NAV1: variants seen among roughly 807,000 people sequenced by gnomAD.
NAV1 encodes the protein pore membrane and/or filament interacting like protein 3.
Under a neutral mutation model 175.2 loss-of-function variants are expected in NAV1, and 18 were observed. That is an observed-to-expected ratio of 0.10 (90% CI 0.07 to 0.15). NAV1 has a LOEUF of 0.15. Among genes scored for constraint, NAV1 ranks in the 10% least tolerant of loss-of-function variants. The pLI is 1.00. For missense variants in NAV1, 1,731 were observed against 2,436.6 expected (o/e 0.71, Z 6.10); for synonymous variants, 897 against 978.7 (o/e 0.92, Z 1.56).
At chr1:201,778,924 G>A (rs971182283) in intron 3 of NAV1, among the ~76,000 whole-genome samples, 3 of 152,210 alleles carry the variant, frequency 2.0e-5, no homozygotes, top group African/African-American at 7.2e-5. Flanking sequence ...TTTAGTCCTT[G>A]CATATATGCA....
At chr1:201,780,506 C>G in exon 4 of NAV1, 1 of 1,614,232 alleles carries the variant, frequency 6.2e-7, no homozygotes, top group Non-Finnish European at 8.5e-7. Context: ...CAGCTCCTCA[C>G]TCAACTCCCT....
intron 1 of NAV1, among the ~76,000 whole-genome samples, chr1:201,578,276 C>T (rs1036642862): frequency 1.3e-5 from 2 of 150,984 alleles, no homozygotes; most frequent in African/African-American, 4.9e-5. Context: ...CTGTTGATCC[C>T]ATCCACTGAG....
At position 201,811,589 on chromosome 1, in the gene NAV1, T is replaced by G. The variant is rs1212231824; in HGVS notation, c.4798-14T>G. ...TATTCCCAAGTGCTGACCCACAGCCTTCTTTTATTCCAGGATCTGCAACTG... is the reference window on the plus strand; with the variant it reads ...TATTCCCAAGTGCTGACCCACAGCCGTCTTTTATTCCAGGATCTGCAACTG... On this transcript the variant is annotated splice_polypyrimidine_tract_variant and intron_variant, in intron 24 of 29. Transcript: ENST00000367296. The G allele has an allele frequency of 6.2e-7, 1 of 1,614,116 alleles. No individual in the cohort carries two copies. The highest frequency in any genetic ancestry group is 1.7e-5 in the Admixed American group (1 of 60,002).
At chr1:201,574,864 C>A (rs566070364) in intron 1 of NAV1, among the ~76,000 whole-genome samples, 5 of 152,312 alleles carry the variant, frequency 3.3e-5, no homozygotes, top group Non-Finnish European at 7.3e-5. Flanking sequence ...TTGTTGCCCC[C>A]GCCACACATT....
intron 1 of NAV1, among the ~76,000 whole-genome samples, chr1:201,652,116 T>C (rs1274996749): frequency 6.6e-6 from 1 of 151,824 alleles, no homozygotes; most frequent in East Asian, 1.9e-4. Flanking sequence ...AGAAGAATGG[T>C]GACTTGATGT....
chr1:201,628,807 C>A (rs754224965), intron 1 of NAV1, among the ~76,000 whole-genome samples: 43 of 152,166 alleles, frequency 2.8e-4, no homozygotes, highest in Non-Finnish European at 5.9e-4. Context: ...TGCCCAGAGA[C>A]CTCACCCTTC....
intron 3 of NAV1, among the ~76,000 whole-genome samples, chr1:201,768,683 G>A (rs1018958328): frequency 1.3e-5 from 2 of 149,064 alleles, no homozygotes; most frequent in Non-Finnish European, 3.0e-5. Context: ...CACAACCACA[G>A]TTTTGTAGCA....
chr1:201,785,566 CA>C (rs1473707063), intron 8 of NAV1, among the ~76,000 whole-genome samples: 1 of 151,960 alleles, frequency 6.6e-6, no homozygotes, highest in Non-Finnish European at 1.5e-5. Flanking sequence ...TTTTTGGTGA[CA>C]GGGGAGAAAC....
At chr1:201,734,779 A>T (rs1558109474) in intron 3 of NAV1, among the ~76,000 whole-genome samples, 2 of 151,896 alleles carry the variant, frequency 1.3e-5, no homozygotes, top group Admixed American at 6.6e-5. Context: ...CTTACTGGAG[A>T]GACAGCCCCT....
chr1:201,570,011 G>T (rs1362515195), intron 1 of NAV1, among the ~76,000 whole-genome samples: 1 of 152,174 alleles, frequency 6.6e-6, no homozygotes, highest in Non-Finnish European at 1.5e-5. Context: ...GACGGATGTG[G>T]AAATATTTTA....
chr1:201,777,866 C>T (rs962129535), intron 3 of NAV1, among the ~76,000 whole-genome samples: 1 of 151,756 alleles, frequency 6.6e-6, no homozygotes, highest in Non-Finnish European at 1.5e-5. Context: ...ACCTGGGAGG[C>T]GAAGGCTGCA....
At chr1:201,660,625 AAC>A (rs1669571742) in intron 1 of NAV1, among the ~76,000 whole-genome samples, 1 of 152,234 alleles carries the variant, frequency 6.6e-6, no homozygotes, top group African/African-American at 2.4e-5. Context: ...GGGACCATTT[AAC>A]ACTCACAGAC....
Position 201,787,998 on chromosome 1 carries a change from C to T in NAV1, c.2996-470C>T, listed in dbSNP as rs1676873823. Among the ~76,000 whole-genome samples, 1 of 152,198 alleles carries T rather than the reference C, an allele frequency of 6.6e-6. No homozygotes were observed. The highest frequency in any genetic ancestry group is 1.5e-5 in the Non-Finnish European group (1 of 68,036). Reference sequence around the variant, plus strand: ...TTCCACAATGCCAGGGCAACGGGATCCCGTAGCCCAGCCCCCTTCTCTAGC... The same window carrying T: ...TTCCACAATGCCAGGGCAACGGGATTCCGTAGCCCAGCCCCCTTCTCTAGC... On this transcript the variant is annotated intron_variant, in intron 9 of 29. Transcript: ENST00000367296. This position sits in a 1 kb window ranked among gnomAD's most constrained non-coding sequence, Gnocchi z 4.3.
intron 3 of NAV1, among the ~76,000 whole-genome samples, chr1:201,765,008 G>A (rs2102647195): frequency 6.6e-6 from 1 of 152,354 alleles, no homozygotes; most frequent in South Asian, 2.1e-4. Flanking sequence ...AGGAGAGTGA[G>A]CTAAAGTGGG....
intron 1 of NAV1, 115 bp downstream of exon 5, chr1:201,649,540 G>C (rs1669106125): frequency 1.2e-5 from 17 of 1,422,872 alleles, no homozygotes; most frequent in Non-Finnish European, 2.8e-6. Flanking sequence ...GGGCCCTCCT[G>C]TTCACGATCA....
intron 3 of NAV1, among the ~76,000 whole-genome samples, chr1:201,730,273 TC>T (rs1197576150): frequency 6.6e-6 from 1 of 152,210 alleles, no homozygotes; most frequent in Non-Finnish European, 1.5e-5. Flanking sequence ...TAGACATTCT[TC>T]CCCCCTCCAA....
chr1:201,625,762 A>C (rs984150352), intron 1 of NAV1, among the ~76,000 whole-genome samples: 3 of 152,212 alleles, frequency 2.0e-5, no homozygotes, highest in Non-Finnish European at 4.4e-5. Context: ...GTGTCTAGGC[A>C]TTAAATTGTT....
chr1:201,570,961 T>G (rs1276452354), intron 1 of NAV1, among the ~76,000 whole-genome samples: 1 of 152,254 alleles, frequency 6.6e-6, no homozygotes, highest in East Asian at 1.9e-4. Context: ...TTCCTGAGCT[T>G]CATCGAATCT....
intron 1 of NAV1, among the ~76,000 whole-genome samples, 199 bp downstream of exon 5, chr1:201,649,624 C>A (rs2819378): frequency 6.6e-6 from 1 of 152,248 alleles, no homozygotes; most frequent in African/African-American, 2.4e-5. Context: ...AGTGTACCTT[C>A]TTAAAGACAT....
Sources: gnomAD v4.1 joint callset for allele counts (sites outside exome capture counted in the v4.1 genomes callset) on GRCh38, gnomAD v4.1.1 for gene constraint, Gnocchi (gnomAD v3.1) non-coding constraint, MANE v1.5 for transcripts, NCBI Gene and HGNC (gene_info 2026-07-23, HGNC 2026-07-21) for gene names.